Variants in WIPF3 observed in about 807,000 individuals in gnomAD.
The protein encoded by WIPF3 is WAS/WASL-interacting protein family member 3.
WIPF3 carries 33 observed loss-of-function variants against 38.9 expected under a neutral mutation model. The ratio of observed to expected loss-of-function variants is 0.85; its 90% CI spans 0.64 to 1.14. The LOEUF (loss-of-function observed/expected upper bound fraction) is 1.14, where lower values mean the gene tolerates loss of function less well. WIPF3 is among the 50% of genes most tolerant of loss of function. The probability of loss-of-function intolerance (pLI) is 0.00; values close to 1 mark genes in which losing one functional copy is unlikely to be tolerated. For synonymous variants in WIPF3, 324 were observed against 269.3 expected (o/e 1.20, Z -1.99); for missense variants, 711 against 652.5 (o/e 1.09, Z -0.98).
rs894026163 is a variant in WIPF3 at position 29,878,997 on chromosome 7, T to C, written c.224-12T>C. The stretch of plus-strand genomic sequence containing the variant: ...TCTCAAGTCCTTGCCTATTTGTGTC[T>C]TCTCTCTAAAGGTTCTAAAGGAACC... On this transcript the variant is annotated splice_polypyrimidine_tract_variant and intron_variant, in intron 3 of 8. Coordinates refer to ENST00000242140, the MANE Select transcript of WIPF3 (RefSeq NM_001080529.3). The surrounding 1 kb of genome is among the most constrained non-coding windows in gnomAD (Gnocchi z 4.0). 1.3e-6 allele frequency: 2 copies of C among 1,585,196 alleles called. No individual in the cohort carries two copies. The highest frequency in any genetic ancestry group is 2.7e-5 in the African/African-American group (2 of 74,462).
intron 5 of WIPF3, 37 bp downstream of exon 5, chr7:29,884,630 G>A (rs1316877915): frequency 6.4e-7 from 1 of 1,568,948 alleles, no homozygotes; most frequent in East Asian, 2.3e-5. Context: ...CCCTGGTGGA[G>A]TGCGATAAAA....
chr7:29,913,363 AG>A (rs1786542357), intron 8 of WIPF3, among the ~76,000 whole-genome samples: 1 of 151,010 alleles, frequency 6.6e-6, no homozygotes, highest in Non-Finnish European at 1.5e-5. Context: ...AAAAAAAAAA[AG>A]GTTACTAGTG....
rs375315844 is a variant in WIPF3, at chr7:29,815,986, G to T, written c.-58+9308G>T. On this transcript the variant is annotated intron_variant, in intron 1 of 8. Coordinates refer to ENST00000242140, the MANE Select transcript of WIPF3 (RefSeq NM_001080529.3). ...CCTACTCTCGATGGCTCCAGCAGCT[G>T]CTCCTTTAGACCAAATCGTCAAGAC... 1.6e-4 allele frequency among the ~76,000 whole-genome samples: 24 copies of T among 152,230 alleles called. No homozygotes were observed. The East Asian group carries it at 3.7e-3, about 23-fold the overall frequency.
chr7:29,861,256 G>T (rs1276986839), intron 2 of WIPF3, among the ~76,000 whole-genome samples: 1 of 152,170 alleles, frequency 6.6e-6, no homozygotes, highest in Admixed American at 6.5e-5. Flanking sequence ...AATACCCTCA[G>T]TTTGGTGATT....
intron 2 of WIPF3, among the ~76,000 whole-genome samples, chr7:29,841,084 A>T (rs918024503): frequency 6.6e-5 from 10 of 152,206 alleles, no homozygotes; most frequent in African/African-American, 2.2e-4. Flanking sequence ...AATTTTGGTT[A>T]CAAGGTCAGG....
chr7:29,903,495 C>T (rs1481889946), intron 7 of WIPF3, among the ~76,000 whole-genome samples: 2 of 152,012 alleles, frequency 1.3e-5, no homozygotes, highest in Non-Finnish European at 2.9e-5. Context: ...GTTCTGGAGA[C>T]TTTGGGACAT....
chr7:29,824,312 C>T (rs953186576), intron 1 of WIPF3, among the ~76,000 whole-genome samples: 1 of 151,964 alleles, frequency 6.6e-6, no homozygotes, highest in Non-Finnish European at 1.5e-5. Flanking sequence ...CCATCTCAAA[C>T]AAAACAAAAC....
chr7:29,898,235 C>T (rs1786195671), intron 7 of WIPF3, among the ~76,000 whole-genome samples: 1 of 152,218 alleles, frequency 6.6e-6, no homozygotes, highest in African/African-American at 2.4e-5. Context: ...TGTACACTGA[C>T]TCCTTCTCAG....
At chr7:29,896,704 G>A (rs1185879475) in intron 7 of WIPF3, among the ~76,000 whole-genome samples, 1 of 152,140 alleles carries the variant, frequency 6.6e-6, no homozygotes, top group East Asian at 1.9e-4. Flanking sequence ...CACTGTAAAT[G>A]TACTAAATGT....
At chr7:29,865,089 TG>T (rs1348616964) in intron 2 of WIPF3, among the ~76,000 whole-genome samples, 2 of 152,114 alleles carry the variant, frequency 1.3e-5, no homozygotes, top group Non-Finnish European at 2.9e-5. Context: ...ACAACTTATG[TG>T]GTAGTTATTA....
At chr7:29,835,807 A>G (rs174932) in intron 2 of WIPF3, among the ~76,000 whole-genome samples, 140,238 of 152,220 alleles carry the variant, frequency 0.92, 64,832 homozygotes, top group African/African-American at 0.98. Context: ...GGCTGCTTAG[A>G]GATGGTGTGA....
At chr7:29,853,999 G>A (rs898780261) in intron 2 of WIPF3, among the ~76,000 whole-genome samples, 3 of 152,134 alleles carry the variant, frequency 2.0e-5, no homozygotes, top group Admixed American at 6.5e-5. Flanking sequence ...ATTACACTTC[G>A]GATGATTTAT....
chr7:29,814,577 C>T (rs1452232683), intron 1 of WIPF3, among the ~76,000 whole-genome samples: 3 of 152,178 alleles, frequency 2.0e-5, no homozygotes, highest in African/African-American at 7.2e-5. Context: ...ATCAAATTCA[C>T]TTGGGTTGGA....
intron 8 of WIPF3, among the ~76,000 whole-genome samples, chr7:29,912,946 C>T (rs983760492): frequency 1.3e-5 from 2 of 152,192 alleles, no homozygotes; most frequent in African/African-American, 4.8e-5. Context: ...TTAATGGGTA[C>T]AGTCTCAGTT....
intron 7 of WIPF3, among the ~76,000 whole-genome samples, chr7:29,900,711 G>A (rs1389972822): frequency 2.0e-5 from 3 of 152,198 alleles, no homozygotes; most frequent in Non-Finnish European, 4.4e-5. Flanking sequence ...GCCCTTTGAG[G>A]TCAGACAGCC....
In WIPF3 at chr7:29,851,307, C is replaced by T. The variant is rs551167975; in HGVS notation, c.90+16493C>T. On this transcript the variant is annotated intron_variant, in intron 2 of 8. Coordinates refer to ENST00000242140, the MANE Select transcript of WIPF3 (RefSeq NM_001080529.3). ...CACTTCCTGGTGTCTGCGATGTTCT[C>T]CTTGGCTCGGCCACAAGCAAGTTCA... 4.6e-5 allele frequency among the ~76,000 whole-genome samples: 7 copies of T among 152,278 alleles called. No homozygotes were observed. In the East Asian group the frequency reaches 1.4e-3, roughly 29 times the overall value.
At chr7:29,814,353 A>G (rs1402259133) in intron 1 of WIPF3, among the ~76,000 whole-genome samples, 2 of 152,078 alleles carry the variant, frequency 1.3e-5, no homozygotes, top group Non-Finnish European at 2.9e-5. Context: ...ACAAGCTATC[A>G]TTTGTGGGCA....
At chr7:29,885,207 T>C (rs1038842913) in intron 5 of WIPF3, among the ~76,000 whole-genome samples, 7 of 152,224 alleles carry the variant, frequency 4.6e-5, no homozygotes, top group African/African-American at 1.7e-4. Flanking sequence ...CCTTCACATA[T>C]GCAGCACAGG....
At chr7:29,874,599 G>T (rs1785554549) in intron 2 of WIPF3, among the ~76,000 whole-genome samples, 1 of 152,156 alleles carries the variant, frequency 6.6e-6, no homozygotes, top group African/African-American at 2.4e-5. Flanking sequence ...TTTGAGAAAT[G>T]ATCAGCCATT....
Sources: allele counts gnomAD v4.1 joint callset (sites outside exome capture counted in the v4.1 genomes callset), GRCh38; gene constraint gnomAD v4.1.1; non-coding constraint Gnocchi (gnomAD v3.1); transcripts MANE v1.5; gene names NCBI Gene and HGNC (gene_info 2026-07-23, HGNC 2026-07-21).